DNAAF5: variants seen among roughly 807,000 people sequenced by gnomAD.
The protein encoded by DNAAF5 is dynein axonemal assembly factor 5.
DNAAF5 carries 64 observed loss-of-function variants against 75.8 expected under a neutral mutation model. That is an observed-to-expected ratio of 0.84 (90% CI 0.69 to 1.04). The LOEUF (loss-of-function observed/expected upper bound fraction) is 1.04, where lower values mean the gene tolerates loss of function less well. DNAAF5 is among the 50% of genes least tolerant of loss of function. The probability of loss-of-function intolerance (pLI) is 0.00; values close to 1 mark genes in which losing one functional copy is unlikely to be tolerated. For missense variants in DNAAF5, 1,269 were observed against 1,178.5 expected (o/e 1.08, Z -1.12); for synonymous variants, 657 against 557.2 (o/e 1.18, Z -2.52).
chr7:782,104 C>T (rs532467671), intron 12 of DNAAF5, among the ~76,000 whole-genome samples: 20 of 152,402 alleles, frequency 1.3e-4, no homozygotes, highest in African/African-American at 4.1e-4. Context: ...TATGCGATGT[C>T]GGATCTTCCT....
chr7:757,873 A>G (rs1782537852), intron 6 of DNAAF5, among the ~76,000 whole-genome samples: 3 of 152,342 alleles, frequency 2.0e-5, no homozygotes, highest in Admixed American at 2.0e-4. Context: ...TATGGCCCCA[A>G]AGCTGGCCTG....
chr7:769,374 T>G (rs1313227639), intron 8 of DNAAF5, among the ~76,000 whole-genome samples: 2 of 152,096 alleles, frequency 1.3e-5, no homozygotes, highest in African/African-American at 4.8e-5. Flanking sequence ...GAGCTGTCCT[T>G]GCCCTGTCAT....
chr7:744,870 T>C (rs1216523162), intron 4 of DNAAF5, among the ~76,000 whole-genome samples: 1 of 152,190 alleles, frequency 6.6e-6, no homozygotes, highest in Non-Finnish European at 1.5e-5. Flanking sequence ...CCCAAAGTGC[T>C]GGTATTACAG....
chr7:773,583 G>A (rs1189675069), intron 9 of DNAAF5, among the ~76,000 whole-genome samples: 1 of 152,198 alleles, frequency 6.6e-6, no homozygotes, highest in Non-Finnish European at 1.5e-5. Flanking sequence ...TGAAGCCGCA[G>A]CGACTGTCCT....
intron 8 of DNAAF5, among the ~76,000 whole-genome samples, chr7:766,818 A>G (rs1430488483): frequency 6.6e-6 from 1 of 151,588 alleles, no homozygotes; most frequent in African/African-American, 2.4e-5. Flanking sequence ...TCCAAAAAAC[A>G]AAAAGCATTA....
intron 4 of DNAAF5, among the ~76,000 whole-genome samples, chr7:745,166 C>G (rs1228594352): frequency 2.0e-5 from 3 of 152,146 alleles, no homozygotes; most frequent in Non-Finnish European, 4.4e-5. Context: ...TAGAGAGGGT[C>G]CAGCCTGTCT....
rs1430849349 is a variant in DNAAF5, at chr7:747,440, G to A, written c.1024+5975G>A. Among the ~76,000 whole-genome samples the A allele has an allele frequency of 1.1e-4, 17 of 152,120 alleles. 1 individual carries two copies. Among genetic ancestry groups the A allele is most frequent in the African/African-American group, 4.1e-4 (17 of 41,424 alleles). On this transcript the variant is annotated intron_variant, in intron 4 of 12. Coordinates refer to ENST00000297440, the MANE Select transcript of DNAAF5 (RefSeq NM_017802.4). ...GTGTTGGTGGGGTTTGCTATTTTCA[G>A]CGTGTCCGGCTGGTGTGCAGTGGTG... is the stretch of plus-strand genomic sequence containing the variant.
At chr7:765,533 C>T (rs1237454225) in intron 8 of DNAAF5, among the ~76,000 whole-genome samples, 2 of 152,150 alleles carry the variant, frequency 1.3e-5, no homozygotes, top group African/African-American at 2.4e-5. Context: ...GGCTTCTCCA[C>T]CATCTGTTCT....
At position 775,241 on chromosome 7, in the gene DNAAF5, A is replaced by C. The variant is rs79369396; in HGVS notation, c.2239+79A>C. On this transcript the variant is annotated intron_variant, in intron 11 of 12. Coordinates refer to ENST00000297440, the MANE Select transcript of DNAAF5 (RefSeq NM_017802.4). The stretch of plus-strand genomic sequence containing the variant: ...CCCTGGGTTCCGTTTGCATCCATGG[A>C]GTCACCCAAACTCAGATCAAAACTA... 2.9e-3 allele frequency: 3,918 copies of C among 1,333,260 alleles called. 102 individuals are homozygous for C. In the African/African-American group the frequency reaches 0.05, roughly 17 times the overall value. 82.6% of individuals were successfully genotyped at this position (1,333,260 alleles called of 1,614,324 possible). A position where few individuals can be genotyped will look rare whatever the true frequency, so the allele number is the denominator to read the frequency against.
Position 754,802 on chromosome 7 carries a change from A to C in DNAAF5, c.1238A>C (p.Glu413Ala). 6.2e-7 allele frequency: 1 copy of C among 1,605,766 alleles called. No homozygotes were observed. Among genetic ancestry groups the C allele is most frequent in the Middle Eastern group, 1.7e-4 (1 of 5,970 alleles). ...RTLFQACTDE[E>A]AAVVQSCTRS... ...CTGTTCCAGGCCTGCACCGACGAGG[A>C]GGCAGCCGTGGTCCAAAGTGTAAGT... The change falls in exon 5 of 13, where the codon GAG (glutamate) becomes GCG (alanine). Residue 413 changes from glutamate (E) to alanine (A), a missense_variant. By Grantham distance (107) the Glu-to-Ala change is moderately radical. Coordinates refer to ENST00000297440, the MANE Select transcript of DNAAF5 (RefSeq NM_017802.4). The surrounding 1 kb of genome is among the most constrained non-coding windows in gnomAD (Gnocchi z 4.8).
chr7:751,661 C>T (rs1386332160), intron 4 of DNAAF5, among the ~76,000 whole-genome samples: 1 of 150,374 alleles, frequency 6.7e-6, no homozygotes, highest in Non-Finnish European at 1.5e-5. Context: ...GCAACCCCCA[C>T]CTCCTGGGTT....
chr7:741,435 CCTCCCA>C lies in DNAAF5; in HGVS notation c.996_1001del (p.Thr334_Pro335del). The C allele has an allele frequency of 6.4e-7, 1 of 1,561,270 alleles. No homozygotes were observed. The highest frequency in any genetic ancestry group is 8.7e-7 in the Non-Finnish European group (1 of 1,150,138). ...CCTGAAGGACAAGCTGGACTTTGCC[CCTCCCA>C]CCCCACCCCATTACCCTCCACATGG... On this transcript the variant is annotated inframe_deletion, in exon 4 of 13. Transcript: ENST00000297440.
At chr7:749,844 G>A (rs1308442030) in intron 4 of DNAAF5, among the ~76,000 whole-genome samples, 4 of 152,062 alleles carry the variant, frequency 2.6e-5, no homozygotes, top group East Asian at 3.9e-4. Context: ...GATTACAGAC[G>A]CGCACCACCG....
chr7:777,924 G>A (rs1778816214), intron 11 of DNAAF5, among the ~76,000 whole-genome samples: 1 of 152,182 alleles, frequency 6.6e-6, no homozygotes, highest in South Asian at 2.1e-4. Flanking sequence ...GGTGCCGAGT[G>A]GGCCGAGAGG....
At chr7:733,044 C>T (rs969976240) in intron 2 of DNAAF5, among the ~76,000 whole-genome samples, 4 of 152,226 alleles carry the variant, frequency 2.6e-5, no homozygotes, top group African/African-American at 9.6e-5. Context: ...ACTGTCCTCT[C>T]CCCAAGATAT....
intron 10 of DNAAF5, among the ~76,000 whole-genome samples, 176 bp from the exon 11 acceptor site, chr7:774,826 CAAGT>C (rs955407472): frequency 1.3e-5 from 2 of 152,188 alleles, no homozygotes; most frequent in African/African-American, 4.8e-5. Flanking sequence ...TTCTAAAAAT[CAAGT>C]AAGCAAGTTA....
At chr7:784,368 C>G (rs976512115) in intron 12 of DNAAF5, among the ~76,000 whole-genome samples, 2 of 152,226 alleles carry the variant, frequency 1.3e-5, no homozygotes, top group Non-Finnish European at 2.9e-5. Flanking sequence ...CCCTGACTGC[C>G]TGCCGGGTTC....
intron 8 of DNAAF5, chr7:768,978 C>T: frequency 1.7e-6 from 1 of 591,792 alleles, no homozygotes; most frequent in Non-Finnish European, 3.1e-6. Flanking sequence ...TCAGGCGTCC[C>T]AGCAGCTTCG....
chr7:742,107 C>G (rs1781929012), intron 4 of DNAAF5, among the ~76,000 whole-genome samples: 1 of 152,222 alleles, frequency 6.6e-6, no homozygotes, highest in Non-Finnish European at 1.5e-5. Flanking sequence ...ATTTGCTCTG[C>G]CACGCCGCCG....
Sources: allele counts gnomAD v4.1 joint callset (sites outside exome capture counted in the v4.1 genomes callset), GRCh38; gene constraint gnomAD v4.1.1; non-coding constraint Gnocchi (gnomAD v3.1); transcripts MANE v1.5; gene names NCBI Gene and HGNC (gene_info 2026-07-23, HGNC 2026-07-21).